WIPF1: variants seen among roughly 807,000 people sequenced by gnomAD.
WIPF1 encodes WAS/WASL-interacting protein family member 1.
A neutral mutation model predicts 35.4 loss-of-function variants in WIPF1; 13 were observed. The observed-to-expected ratio is 0.37, with a 90% CI of 0.24 to 0.58. The LOEUF (loss-of-function observed/expected upper bound fraction) is 0.58. Ranked by LOEUF, WIPF1 falls within the 20% of genes least tolerant of loss-of-function variation. The pLI is 0.74. For missense variants in WIPF1, 591 were observed against 667.0 expected (o/e 0.89, Z 1.25); for synonymous variants, 267 against 266.3 (o/e 1.00, Z -0.02).
At chr2:174,669,563 C>G (rs904760046) in intron 1 of WIPF1, among the ~76,000 whole-genome samples, 8 of 152,218 alleles carry the variant, frequency 5.3e-5, no homozygotes, top group African/African-American at 1.9e-4. Flanking sequence ...AATGGGGAGA[C>G]AGATACTCAA....
Position 174,572,097 on chromosome 2 carries a change from A to G in WIPF1, c.708T>C (p.Arg236=). 4 of 1,590,924 alleles carry G rather than the reference A, an allele frequency of 2.5e-6. No individual in the cohort carries two copies. The highest frequency in any genetic ancestry group is 3.4e-6 in the Non-Finnish European group (4 of 1,169,244). The part of the protein sequence containing the change: ...RGTALGGGSI[R]QSPLSSSSPF... The stretch of plus-strand genomic sequence containing the variant: ...GCGAGGAGGAGCTCAAGGGGGACTG[A>G]CGTATTGAGCCTCCTCCCAAAGCAG... The change falls in exon 5 of 8, where the codon CGT becomes CGC. Residue 236 remains arginine, a synonymous_variant. Coordinates refer to ENST00000679041, the MANE Select transcript of WIPF1 (RefSeq NM_001375834.1).
rs757927442 is a variant in WIPF1, at chr2:174,571,932, CTTG to C, written c.870_872del (p.Asn290del). The C allele has an allele frequency of 1.8e-5, 29 of 1,597,930 alleles. 1 individual carries two copies. The South Asian group carries it at 2.0e-4, about 11-fold the overall frequency. The stretch of plus-strand genomic sequence containing the variant: ...GCCGCGGAGTGGAAGGCACTGGAGG[CTTG>C]TTGTTCTGAGGAGGAGGAGGGGGAA... On this transcript the variant is annotated inframe_deletion, in exon 5 of 8. Transcript: ENST00000679041. The surrounding 1 kb of genome is among the most constrained non-coding windows in gnomAD (Gnocchi z 4.6).
chr2:174,637,743 C>T (rs1416829231), intron 1 of WIPF1, among the ~76,000 whole-genome samples: 1 of 152,170 alleles, frequency 6.6e-6, no homozygotes. Flanking sequence ...GTCGAGATTG[C>T]GCCACTGCAC....
intron 1 of WIPF1, among the ~76,000 whole-genome samples, chr2:174,610,808 T>C (rs974067155): frequency 1.3e-5 from 2 of 152,124 alleles, no homozygotes; most frequent in African/African-American, 4.8e-5. Context: ...CCACGGCTCC[T>C]CTCTGTCACC....
At chr2:174,595,090 A>AAT (rs1685754287) in intron 1 of WIPF1, among the ~76,000 whole-genome samples, 1 of 27,904 alleles carries the variant, frequency 3.6e-5, no homozygotes, top group Non-Finnish European at 6.6e-5. Context: ...CATCTCTACA[A>AAT]AAAAAAAAAA....
At chr2:174,597,089 A>G (rs1378311146) in intron 1 of WIPF1, among the ~76,000 whole-genome samples, 2 of 152,242 alleles carry the variant, frequency 1.3e-5, no homozygotes, top group African/African-American at 4.8e-5. Flanking sequence ...TCGTATTATA[A>G]AAGACTCTGC....
chr2:174,586,998 T>TA (rs1232719546), intron 1 of WIPF1, among the ~76,000 whole-genome samples: 1 of 152,216 alleles, frequency 6.6e-6, no homozygotes, highest in African/African-American at 2.4e-5. Flanking sequence ...TATATTTCTT[T>TA]AAAAAATTTT....
chr2:174,656,352 G>T (rs945013007), intron 1 of WIPF1: 3 of 152,140 alleles, frequency 2.0e-5, no homozygotes, highest in Non-Finnish European at 2.9e-5. Flanking sequence ...CTAAATAAAT[G>T]AATAAAAGGG....
intron 1 of WIPF1, among the ~76,000 whole-genome samples, chr2:174,595,625 C>T (rs180781348): frequency 2.6e-5 from 4 of 152,222 alleles, no homozygotes; most frequent in South Asian, 2.1e-4. Context: ...TATTTAACCA[C>T]GAGAAAGAGA....
intron 1 of WIPF1, among the ~76,000 whole-genome samples, chr2:174,667,984 G>A (rs1489939115): frequency 1.3e-5 from 2 of 152,130 alleles, no homozygotes; most frequent in East Asian, 1.9e-4. Context: ...GCTGTGCAGT[G>A]CAAACTCTAC....
intron 7 of WIPF1, among the ~76,000 whole-genome samples, chr2:174,563,429 G>C (rs949841298): frequency 6.6e-6 from 1 of 152,194 alleles, no homozygotes; most frequent in Non-Finnish European, 1.5e-5. Context: ...CGGGCATGTT[G>C]GTGTGCGCCT....
intron 1 of WIPF1, chr2:174,676,929 A>T (rs1218508200): frequency 6.6e-6 from 1 of 152,156 alleles, no homozygotes; most frequent in Non-Finnish European, 1.5e-5. Flanking sequence ...TTGGGAGGCA[A>T]GGCGGGAAGA....
intron 1 of WIPF1, among the ~76,000 whole-genome samples, chr2:174,610,058 C>T (rs187819800): frequency 6.6e-6 from 1 of 152,330 alleles, no homozygotes. Context: ...TTCAGCTTCT[C>T]TGGATTCTTC....
In WIPF1 at chr2:174,561,908, CA is replaced by C; in HGVS notation, c.*638del. On this transcript the variant is annotated 3_prime_UTR_variant, in exon 8 of 8. Transcript: ENST00000679041. ...TACCAAAAAATAATATAAAATATCT[CA>C]TTAAAATTTTATGTTGATTACAGGT... The C allele has an allele frequency of 1.4e-6, 1 of 723,806 alleles. No homozygotes were observed. 44.8% of individuals were successfully genotyped at this position (723,806 alleles called of 1,614,324 possible).
chr2:174,591,595 T>G (rs1489984355), intron 1 of WIPF1, among the ~76,000 whole-genome samples: 1 of 151,832 alleles, frequency 6.6e-6, no homozygotes, highest in Non-Finnish European at 1.5e-5. Context: ...GGAACTGGCT[T>G]TATGGGTTGA....
chr2:174,604,903 T>C (rs1303718698), intron 1 of WIPF1, among the ~76,000 whole-genome samples: 2 of 152,234 alleles, frequency 1.3e-5, no homozygotes, highest in African/African-American at 4.8e-5. Context: ...CAGCCCTGGC[T>C]AATTAAAGCC....
chr2:174,617,890 A>G (rs180814534), intron 1 of WIPF1, among the ~76,000 whole-genome samples: 20 of 152,352 alleles, frequency 1.3e-4, no homozygotes, highest in South Asian at 4.1e-4. Context: ...GCAGAGGTGG[A>G]AAGGGTGTGG....
chr2:174,632,347 G>A (rs1184948874), intron 1 of WIPF1, among the ~76,000 whole-genome samples: 1 of 152,176 alleles, frequency 6.6e-6, no homozygotes, highest in Non-Finnish European at 1.5e-5. Flanking sequence ...GGAAGGGGCT[G>A]AGAAATAGGA....
rs79790284 is a variant in WIPF1, at chr2:174,654,824, G to A, written c.-39+27950C>T. ...CAGTCCTGAACTGTGCATCACCAGCGTCTCTGACCCACTGCCACAAACCTG... is the reference window on the plus strand; with the variant it reads ...CAGTCCTGAACTGTGCATCACCAGCATCTCTGACCCACTGCCACAAACCTG... On this transcript the variant is annotated intron_variant, in intron 1 of 8. Transcript: ENST00000272746. Among the ~76,000 whole-genome samples, 552 of 152,112 alleles carry A rather than the reference G, an allele frequency of 3.6e-3. 2 individuals carry two copies. The highest frequency in any genetic ancestry group is 8.7e-3 in the South Asian group (42 of 4,810).
Sources: allele counts gnomAD v4.1 joint callset (sites outside exome capture counted in the v4.1 genomes callset), GRCh38; gene constraint gnomAD v4.1.1; non-coding constraint Gnocchi (gnomAD v3.1); transcripts MANE v1.5; gene names NCBI Gene and HGNC (gene_info 2026-07-23, HGNC 2026-07-21).